Variants in HIRA observed in about 807,000 individuals in gnomAD.
The protein encoded by HIRA is protein HIRA.
Under a neutral mutation model 126.6 loss-of-function variants are expected in HIRA, and 13 were observed. That is an observed-to-expected ratio of 0.10 (90% CI 0.07 to 0.16). HIRA has a LOEUF of 0.16. HIRA is among the 10% of genes least tolerant of loss of function. HIRA has a pLI of 1.00. For synonymous variants in HIRA, 511 were observed against 520.0 expected, an observed-to-expected ratio of 0.98 and a Z score of 0.24; for missense variants, 834 against 1,314.4, an observed-to-expected ratio of 0.63 and a Z score of 5.65.
chr22:19,346,769 C>T (rs2088691466), intron 24 of HIRA, among the ~76,000 whole-genome samples: 1 of 152,146 alleles, frequency 6.6e-6, no homozygotes, highest in Non-Finnish European at 1.5e-5. Flanking sequence ...ATGGAAGCCA[C>T]CTTGTAACCA....
intron 19 of HIRA, 132 bp from the exon 20 acceptor site, chr22:19,356,420 G>A: frequency 2.8e-6 from 2 of 720,052 alleles, no homozygotes; most frequent in Non-Finnish European, 4.9e-6. Flanking sequence ...GAGGGGCTCT[G>A]GGCTACGAGT....
At chr22:19,348,246 T>C (rs1463588154) in intron 24 of HIRA, among the ~76,000 whole-genome samples, 8 of 152,166 alleles carry the variant, frequency 5.3e-5, no homozygotes, top group Non-Finnish European at 1.2e-4. Flanking sequence ...CCTCAAACTA[T>C]TTCTACAATA....
At chr22:19,396,643 G>C in intron 7 of HIRA, 144 bp downstream of exon 7, 1 of 719,656 alleles carries the variant, frequency 1.4e-6, no homozygotes, top group Non-Finnish European at 2.3e-6. Flanking sequence ...ACCCCAGAGA[G>C]CCTTGGTGAA....
At chr22:19,393,540 T>G (rs1233739773) in intron 8 of HIRA, among the ~76,000 whole-genome samples, 2 of 152,070 alleles carry the variant, frequency 1.3e-5, no homozygotes, top group African/African-American at 4.8e-5. Flanking sequence ...GTATTTTCAG[T>G]AGAGACGGGG....
intron 1 of HIRA, among the ~76,000 whole-genome samples, chr22:19,429,531 T>C (rs555908464): frequency 6.6e-6 from 1 of 152,340 alleles, no homozygotes; most frequent in Non-Finnish European, 1.5e-5. Context: ...ATCACAAGCA[T>C]ACTATGAAGT....
At chr22:19,381,200 T>C (rs5748165) in intron 13 of HIRA, among the ~76,000 whole-genome samples, 23,705 of 152,178 alleles carry the variant, frequency 0.16, 3,890 homozygotes, top group African/African-American at 0.41. Context: ...CTGAGGGTAG[T>C]TGGTGCTACC....
intron 3 of HIRA, 87 bp downstream of exon 3, chr22:19,408,396 G>C (rs910460420): frequency 8.3e-6 from 7 of 842,394 alleles, no homozygotes; most frequent in African/African-American, 3.3e-5. Context: ...CGCCGCACGG[G>C]GCCTTATCTT....
chr22:19,358,113 C>T (rs569873716), intron 18 of HIRA, among the ~76,000 whole-genome samples: 4 of 152,242 alleles, frequency 2.6e-5, no homozygotes, highest in Admixed American at 2.6e-4. Flanking sequence ...GATTCTCCTA[C>T]CTTAGCCTCC....
chr22:19,380,516 T>C (rs1276739888), intron 13 of HIRA, among the ~76,000 whole-genome samples: 1 of 152,252 alleles, frequency 6.6e-6, no homozygotes, highest in Non-Finnish European at 1.5e-5. Context: ...TGACAGCTTT[T>C]AAGTCTTAAT....
At chr22:19,361,669 C>T in intron 16 of HIRA, 58 bp downstream of exon 16, 1 of 1,563,846 alleles carries the variant, frequency 6.4e-7, no homozygotes, top group Non-Finnish European at 8.8e-7. Flanking sequence ...ACAGGGCCTT[C>T]AAGCTCTAAG....
intron 12 of HIRA, among the ~76,000 whole-genome samples, chr22:19,385,189 C>T (rs68149483): frequency 0.077 from 11,724 of 152,250 alleles, 507 homozygotes; most frequent in Middle Eastern, 0.17. Flanking sequence ...GAAGGGGGAG[C>T]CCATAGAAGT....
chr22:19,338,899 A>T (rs782441275), intron 24 of HIRA, among the ~76,000 whole-genome samples: 2 of 152,214 alleles, frequency 1.3e-5, no homozygotes, highest in Non-Finnish European at 2.9e-5. Flanking sequence ...GGTCATCAAG[A>T]CAGAAAAGCA....
At chr22:19,333,979 T>C (rs181687796) in intron 24 of HIRA, among the ~76,000 whole-genome samples, 1 of 147,480 alleles carries the variant, frequency 6.8e-6, no homozygotes, top group East Asian at 2.0e-4. Flanking sequence ...TCTCATTTTC[T>C]TTTTTTTTTT....
chr22:19,373,231 T>C (rs1227958340), intron 15 of HIRA, among the ~76,000 whole-genome samples: 1 of 152,234 alleles, frequency 6.6e-6, no homozygotes, highest in African/African-American at 2.4e-5. Context: ...CCTCATTTTG[T>C]TTTAGCTTTT....
In HIRA at chr22:19,430,806, G is replaced by A. The variant is rs13058120; in HGVS notation, c.37+634C>T. On this transcript the variant is annotated intron_variant, in intron 1 of 24. Coordinates refer to ENST00000263208, the MANE Select transcript of HIRA (RefSeq NM_003325.4). ...GTCCGTTCCCCAAGGGTGTGCTTTG[G>A]AGCCACTGCCACAGAGCTAAGAAGC... is the stretch of plus-strand genomic sequence containing the variant. 5.7e-3 allele frequency among the ~76,000 whole-genome samples: 866 copies of A among 152,266 alleles called. 3 individuals are homozygous for A. The highest frequency in any genetic ancestry group is 8.9e-3 in the Non-Finnish European group (603 of 68,004).
rs2089325729 is a variant in HIRA, at chr22:19,408,606, A to G, written c.101-13T>C. 1.3e-6 allele frequency: 2 copies of G among 1,496,320 alleles called. No homozygotes were observed. Among genetic ancestry groups the G allele is most frequent in the East Asian group, 2.3e-5 (1 of 44,296 alleles). The allele number at this position is 1,496,320 out of a possible 1,614,324, so 92.7% of individuals were successfully genotyped here. On this transcript the variant is annotated splice_polypyrimidine_tract_variant and intron_variant, in intron 2 of 24. Coordinates refer to ENST00000263208, the MANE Select transcript of HIRA (RefSeq NM_003325.4). ...CCAGAATCCTGCCCTGGAACAAAGG[A>G]GCAGAAATGGCTGAATGTGCAAGGA...
intron 5 of HIRA, among the ~76,000 whole-genome samples, chr22:19,403,046 T>C (rs1475802134): frequency 7.1e-6 from 1 of 141,592 alleles, no homozygotes; most frequent in Non-Finnish European, 1.5e-5. Context: ...AAGGCTGCAG[T>C]GAGCCGTAAT....
At chr22:19,339,053 C>T (rs1220146426) in intron 24 of HIRA, among the ~76,000 whole-genome samples, 1 of 152,112 alleles carries the variant, frequency 6.6e-6, no homozygotes, top group Non-Finnish European at 1.5e-5. Context: ...TATGATAGGC[C>T]ACAAAACAAC....
rs560361977 is a variant in HIRA at position 19,348,545 on chromosome 22, G to A, written c.2937+2813C>T. 1.0e-3 allele frequency among the ~76,000 whole-genome samples: 158 copies of A among 152,056 alleles called. 1 individual carries two copies. The highest frequency in any genetic ancestry group is 3.7e-3 in the African/African-American group (154 of 41,478). ...GAGTCTCACCCTGTCGCCTGGGCTG[G>A]TGTGCAATGGCGCGATCTCGGCTCA... On this transcript the variant is annotated intron_variant, in intron 24 of 24. Coordinates refer to ENST00000263208, the MANE Select transcript of HIRA (RefSeq NM_003325.4).
Sources: gnomAD v4.1 joint callset for allele counts (sites outside exome capture counted in the v4.1 genomes callset) on GRCh38, gnomAD v4.1.1 for gene constraint, MANE v1.5 for transcripts, NCBI Gene and HGNC (gene_info 2026-07-23, HGNC 2026-07-21) for gene names.